Variants in STXBP5L observed in about 807,000 individuals in gnomAD.
The protein encoded by STXBP5L is syntaxin binding protein 5L.
Under a neutral mutation model 144.5 loss-of-function variants are expected in STXBP5L, and 65 were observed. That is an observed-to-expected ratio of 0.45 (90% CI 0.37 to 0.55). The LOEUF is 0.55. STXBP5L is among the 20% of genes least tolerant of loss of function. The probability of loss-of-function intolerance (pLI) is 0.00; values close to 1 mark genes in which losing one functional copy is unlikely to be tolerated. For synonymous variants in STXBP5L, 505 were observed against 469.6 expected, an observed-to-expected ratio of 1.08 and a Z score of -0.97; for missense variants, 1,298 against 1,405.5, an observed-to-expected ratio of 0.92 and a Z score of 1.22.
At position 121,312,446 on chromosome 3, in the gene STXBP5L, C is replaced by CT. The variant is rs58989280; in HGVS notation, c.2111-5997dup. 8.4e-3 allele frequency among the ~76,000 whole-genome samples: 107 copies of CT among 12,750 alleles called. 5 individuals carry two copies. Among genetic ancestry groups the CT allele is most frequent in the Non-Finnish European group, 9.4e-3 (80 of 8,522 alleles). 8.4% of individuals were successfully genotyped at this position (12,750 alleles called of 152,430 possible). A position where few individuals can be genotyped will look rare whatever the true frequency, so the allele number is the denominator to read the frequency against. ...TGTTTTTGACTTAAGGTATGTCAAT[C>CT]TTTTTTTTTTTTTTTTTTTTTTTTT... On this transcript the variant is annotated intron_variant, in intron 19 of 26. Transcript: ENST00000471454.
chr3:121,120,624 C>T (rs1217399146), intron 6 of STXBP5L, among the ~76,000 whole-genome samples: 2 of 151,034 alleles, frequency 1.3e-5, no homozygotes, highest in Non-Finnish European at 3.0e-5. Flanking sequence ...CATCAATATC[C>T]AATGAATCTG....
At chr3:121,298,572 A>G (rs1019775992) in intron 19 of STXBP5L, among the ~76,000 whole-genome samples, 6 of 152,352 alleles carry the variant, frequency 3.9e-5, no homozygotes, top group African/African-American at 1.4e-4. Flanking sequence ...ATGGAATATT[A>G]GCCTTAAAGA....
In STXBP5L at chr3:121,118,318, G is replaced by T. The variant is rs531315044; in HGVS notation, c.605+3259G>T. ...CTGTGAAGATTGTTACATCTATGCT[G>T]AGATCCAAGGGGTGAGTTTCAGTTA... On this transcript the variant is annotated intron_variant, in intron 6 of 26. Transcript: ENST00000471454. Among the ~76,000 whole-genome samples, 12 of 151,836 alleles carry T rather than the reference G, an allele frequency of 7.9e-5. 1 individual carries two copies. Among genetic ancestry groups the T allele is most frequent in the African/African-American group, 2.6e-4 (11 of 41,530 alleles).
chr3:121,357,063 C>A, intron 20 of STXBP5L: 1 of 189,060 alleles, frequency 5.3e-6, no homozygotes, highest in Non-Finnish European at 1.2e-5. Flanking sequence ...CCAAATTGCC[C>A]TTGGCCTGAA....
intron 5 of STXBP5L, among the ~76,000 whole-genome samples, chr3:121,048,909 A>T (rs1231702431): frequency 2.0e-5 from 3 of 152,086 alleles, no homozygotes; most frequent in Non-Finnish European, 2.9e-5. Flanking sequence ...CTTTTCCATA[A>T]AGTGGCTGTG....
chr3:120,938,689 C>T (rs1710396980), intron 2 of STXBP5L, among the ~76,000 whole-genome samples: 1 of 152,188 alleles, frequency 6.6e-6, no homozygotes, highest in Non-Finnish European at 1.5e-5. Flanking sequence ...GATCAAACTA[C>T]TGAAATGCTA....
intron 19 of STXBP5L, among the ~76,000 whole-genome samples, chr3:121,288,073 C>A (rs572083492): frequency 1.6e-4 from 25 of 152,100 alleles, no homozygotes; most frequent in Non-Finnish European, 3.4e-4. Flanking sequence ...TTTAGAGTAG[C>A]CAAAACAGCT....
At chr3:121,009,392 A>C (rs1450842759) in intron 3 of STXBP5L, among the ~76,000 whole-genome samples, 1 of 151,974 alleles carries the variant, frequency 6.6e-6, no homozygotes, top group Non-Finnish European at 1.5e-5. Flanking sequence ...AACAGTCTGC[A>C]TTTATCCTTC....
At chr3:121,373,335 C>T (rs558384401) in intron 20 of STXBP5L, among the ~76,000 whole-genome samples, 1 of 152,356 alleles carries the variant, frequency 6.6e-6, no homozygotes, top group East Asian at 1.9e-4. Context: ...AGCCCTTTGG[C>T]CCTCTTGGGC....
In STXBP5L at chr3:121,254,973, G is replaced by T; in HGVS notation, c.1520G>T (p.Cys507Phe). The T allele has an allele frequency of 6.2e-7, 1 of 1,613,584 alleles. No individual in the cohort carries two copies. Among genetic ancestry groups the T allele is most frequent in the Non-Finnish European group, 8.5e-7 (1 of 1,179,684 alleles). Reference protein sequence around the residue: ...KQKVGEGKQTCEIVEEDPFAI... With the variant: ...KQKVGEGKQTFEIVEEDPFAI... Reference sequence around the variant, plus strand: ...AAGGTAGGAGAAGGAAAACAAACATGTGAAATTGTAGAGGAAGACCCATTT... The same window carrying T: ...AAGGTAGGAGAAGGAAAACAAACATTTGAAATTGTAGAGGAAGACCCATTT... Residue 507 changes from cysteine (C) to phenylalanine (F), a missense_variant, in exon 16 of 27, where the codon TGT becomes TTT. Physicochemically the swap from Cys to Phe is radical, Grantham distance 205. Transcript: ENST00000471454.
intron 18 of STXBP5L, among the ~76,000 whole-genome samples, chr3:121,274,254 A>C (rs1378174365): frequency 6.6e-6 from 1 of 152,184 alleles, no homozygotes; most frequent in African/African-American, 2.4e-5. Context: ...AATGGCTACA[A>C]GGGCACCAGC....
chr3:121,272,301 A>G (rs192224944), intron 18 of STXBP5L, among the ~76,000 whole-genome samples: 1 of 152,284 alleles, frequency 6.6e-6, no homozygotes, highest in East Asian at 1.9e-4. Flanking sequence ...ATATTTAGGT[A>G]TTCTGATATT....
chr3:121,076,000 T>A (rs2042004529), intron 5 of STXBP5L, among the ~76,000 whole-genome samples: 1 of 152,222 alleles, frequency 6.6e-6, no homozygotes, highest in Non-Finnish European at 1.5e-5. Flanking sequence ...CTGCATTAGA[T>A]CTATAAGAGC....
At chr3:121,337,861 C>G (rs2044562983) in intron 20 of STXBP5L, among the ~76,000 whole-genome samples, 1 of 152,116 alleles carries the variant, frequency 6.6e-6, no homozygotes, top group African/African-American at 2.4e-5. Flanking sequence ...CAAGTACCTT[C>G]TTAGACCACA....
At chr3:120,976,373 G>A (rs569819277) in intron 3 of STXBP5L, among the ~76,000 whole-genome samples, 3 of 152,154 alleles carry the variant, frequency 2.0e-5, no homozygotes, top group Non-Finnish European at 2.9e-5. Context: ...TTGTATTTCT[G>A]TGGGATTGGT....
In STXBP5L at chr3:121,350,643, AG is replaced by A. The variant is rs370739760; in HGVS notation, c.2177-28071del. Among the ~76,000 whole-genome samples, 16 of 152,228 alleles carry A rather than the reference AG, an allele frequency of 1.1e-4. 1 individual carries two copies. In the East Asian group the frequency reaches 2.5e-3, roughly 24 times the overall value. ...TTTCACATAGTCCCATATTTCTTGG[AG>A]GCTTTGTTCGTTTCTTTTTATTCTT... is the stretch of plus-strand genomic sequence containing the variant. On this transcript the variant is annotated intron_variant, in intron 20 of 26. Transcript: ENST00000471454.
At position 121,115,882 on chromosome 3, in the gene STXBP5L, G is replaced by A. The variant is rs531919145; in HGVS notation, c.605+823G>A. The stretch of plus-strand genomic sequence containing the variant: ...ACACTTTCAAACAACAAGATCTCAC[G>A]AGAATTCATTCACTACTGCAAGAAC... On this transcript the variant is annotated intron_variant, in intron 6 of 26. Coordinates refer to ENST00000471454, the MANE Select transcript of STXBP5L (RefSeq NM_001308330.2). 2.0e-5 allele frequency among the ~76,000 whole-genome samples: 3 copies of A among 152,160 alleles called. No individual in the cohort carries two copies. In the East Asian group the frequency reaches 5.8e-4, roughly 29 times the overall value.
At chr3:121,069,507 C>T (rs956929735) in intron 5 of STXBP5L, among the ~76,000 whole-genome samples, 1 of 151,806 alleles carries the variant, frequency 6.6e-6, no homozygotes, top group African/African-American at 2.4e-5. Flanking sequence ...GTGTAATTTC[C>T]AAAAAGCGCA....
At chr3:121,094,351 TG>T (rs1227542862) in intron 5 of STXBP5L, among the ~76,000 whole-genome samples, 1 of 152,174 alleles carries the variant, frequency 6.6e-6, no homozygotes, top group African/African-American at 2.4e-5. Context: ...CTCGTTGATC[TG>T]TCTAATGTTG....
Sources: gnomAD v4.1 joint callset for allele counts (sites outside exome capture counted in the v4.1 genomes callset) on GRCh38, gnomAD v4.1.1 for gene constraint, MANE v1.5 for transcripts, NCBI Gene and HGNC (gene_info 2026-07-23, HGNC 2026-07-21) for gene names.